The following CDH18 variants were observed in gnomAD, a reference collection of about 807,000 sequenced individuals.
CDH18 encodes the protein cadherin 18.
In CDH18, 31 loss-of-function variants were observed where a neutral mutation model predicts 67.9. The ratio of observed to expected loss-of-function variants is 0.46; its 90% CI spans 0.34 to 0.62. The LOEUF (loss-of-function observed/expected upper bound fraction) is 0.62, where lower values mean the gene tolerates loss of function less well. Among genes scored for constraint, CDH18 ranks in the 20% least tolerant of loss-of-function variants. CDH18 has a pLI of 0.01. For synonymous variants in CDH18, 362 were observed against 347.2 expected (o/e 1.04, Z -0.48); for missense variants, 890 against 975.5 (o/e 0.91, Z 1.17).
intron 2 of CDH18, among the ~76,000 whole-genome samples, chr5:20,026,547 A>G (rs1461171446): frequency 7.2e-5 from 11 of 152,156 alleles, no homozygotes; most frequent in Admixed American, 5.2e-4. Context: ...AAATGTCTTT[A>G]TTTTCTAACT....
intron 2 of CDH18, among the ~76,000 whole-genome samples, chr5:20,209,194 G>T (rs891006422): frequency 1.7e-4 from 26 of 152,050 alleles, no homozygotes; most frequent in African/African-American, 5.8e-4. Context: ...ACAGTATGTA[G>T]TTGCCATAAA....
At chr5:19,938,861 T>C (rs1333861898) in intron 2 of CDH18, among the ~76,000 whole-genome samples, 7 of 151,464 alleles carry the variant, frequency 4.6e-5, no homozygotes, top group African/African-American at 1.7e-4. Context: ...GAGCATTTCT[T>C]TGTTTAATTC....
intron 2 of CDH18, among the ~76,000 whole-genome samples, chr5:19,923,023 C>T (rs565019882): frequency 1.2e-4 from 19 of 152,066 alleles, no homozygotes; most frequent in African/African-American, 4.6e-4. Context: ...GTCTCTGTAC[C>T]ATCTATTTCT....
intron 3 of CDH18, among the ~76,000 whole-genome samples, chr5:19,774,071 G>A (rs1237536842): frequency 6.6e-6 from 1 of 152,160 alleles, no homozygotes; most frequent in Non-Finnish European, 1.5e-5. Flanking sequence ...ACTGGTCTTT[G>A]AGATTTACTC....
intron 1 of CDH18, among the ~76,000 whole-genome samples, chr5:20,258,846 G>C (rs1289654233): frequency 6.6e-6 from 1 of 152,036 alleles, no homozygotes; most frequent in Non-Finnish European, 1.5e-5. Context: ...GCTGGTATGA[G>C]TAATCAAAAA....
intron 5 of CDH18, among the ~76,000 whole-genome samples, chr5:19,666,741 T>C (rs1380008094): frequency 6.6e-6 from 1 of 152,088 alleles, no homozygotes; most frequent in East Asian, 1.9e-4. Context: ...CTAGGATATT[T>C]CAGTGTCACA....
At chr5:20,128,228 A>T (rs917075061) in intron 2 of CDH18, among the ~76,000 whole-genome samples, 2 of 151,988 alleles carry the variant, frequency 1.3e-5, no homozygotes, top group Non-Finnish European at 2.9e-5. Context: ...TCTCCTATTC[A>T]CCTCACGAAG....
chr5:20,455,907 A>G (rs1384421082), intron 1 of CDH18, among the ~76,000 whole-genome samples: 1 of 152,056 alleles, frequency 6.6e-6, no homozygotes, highest in African/African-American at 2.4e-5. Flanking sequence ...CTGTTCAGCT[A>G]TGTTATTTAC....
intron 3 of CDH18, among the ~76,000 whole-genome samples, chr5:19,800,885 G>A (rs13361313): frequency 0.035 from 5,276 of 152,208 alleles, 288 homozygotes; most frequent in African/African-American, 0.12. Context: ...TTGGGAGGCC[G>A]AGTCGGGCAG....
intron 8 of CDH18, among the ~76,000 whole-genome samples, chr5:19,553,633 C>CTTTTTT (rs1021709184): frequency 9.2e-6 from 1 of 108,774 alleles, no homozygotes; most frequent in Non-Finnish European, 1.8e-5. Flanking sequence ...TGGTCTCATA[C>CTTTTTT]TTTTTTTTTT....
chr5:20,443,207 C>CTCAAAAAAAAAAAAAAAA lies in CDH18; in HGVS notation c.-580+132254_-580+132255insTTTTTTTTTTTTTTTTGA, dbSNP rs1491460573. ...CCTGGGTGATAGAGCGAGACTCCGT[C>CTCAAAAAAAAAAAAAAAA]ACAAAAAAAAAAAAAAAAAAAAAAG... On this transcript the variant is annotated intron_variant, in intron 1 of 14. Coordinates refer to the CDH18 transcript ENST00000507958. Among the ~76,000 whole-genome samples the CTCAAAAAAAAAAAAAAAA allele has an allele frequency of 3.5e-4, 9 of 25,378 alleles. 1 individual carries two copies. Among genetic ancestry groups the CTCAAAAAAAAAAAAAAAA allele is most frequent in the African/African-American group, 1.1e-3 (8 of 6,978 alleles). The allele number at this position is 25,378 out of a possible 152,430, so 16.6% of individuals were successfully genotyped here.
At chr5:19,481,991 T>G (rs1164824115) in intron 12 of CDH18, among the ~76,000 whole-genome samples, 1 of 152,212 alleles carries the variant, frequency 6.6e-6, no homozygotes, top group Non-Finnish European at 1.5e-5. Context: ...GAGTTTATAG[T>G]TATAGAAGCT....
At chr5:20,479,160 C>G (rs528023911) in intron 1 of CDH18, among the ~76,000 whole-genome samples, 1 of 152,212 alleles carries the variant, frequency 6.6e-6, no homozygotes, top group South Asian at 2.1e-4. Flanking sequence ...TACAAGCAAA[C>G]CCAGGCCACA....
chr5:20,546,374 T>C (rs1757344656), intron 1 of CDH18, among the ~76,000 whole-genome samples: 1 of 150,940 alleles, frequency 6.6e-6, no homozygotes, highest in Non-Finnish European at 1.5e-5. Flanking sequence ...ACCAATTCTC[T>C]ATATTAGTCT....
intron 1 of CDH18, among the ~76,000 whole-genome samples, chr5:20,489,024 A>G (rs1561056822): frequency 6.6e-6 from 1 of 152,048 alleles, no homozygotes. Flanking sequence ...GTTAAGATGG[A>G]AGCAGCTTCC....
chr5:19,504,999 C>T (rs2126778449), intron 10 of CDH18, among the ~76,000 whole-genome samples: 1 of 152,150 alleles, frequency 6.6e-6, no homozygotes, highest in Admixed American at 6.6e-5. Flanking sequence ...CAAATATGAG[C>T]TTATTATACC....
chr5:20,265,788 T>C (rs888672331), intron 1 of CDH18, among the ~76,000 whole-genome samples: 11 of 152,210 alleles, frequency 7.2e-5, no homozygotes, highest in African/African-American at 2.7e-4. Context: ...ATTAATTTTA[T>C]GTGCCAACTT....
At chr5:19,650,292 C>G (rs1174714184) in intron 5 of CDH18, among the ~76,000 whole-genome samples, 1 of 71,692 alleles carries the variant, frequency 1.4e-5, no homozygotes, top group Non-Finnish European at 3.8e-5. Context: ...TTTCCTATCT[C>G]CATAAAAGAA....
chr5:20,570,787 A>G (rs1758771121), intron 1 of CDH18, among the ~76,000 whole-genome samples: 1 of 152,144 alleles, frequency 6.6e-6, no homozygotes, highest in South Asian at 2.1e-4. Context: ...TAAGCAAAGT[A>G]CAGGTGATTC....
Sources: allele counts gnomAD v4.1 joint callset (sites outside exome capture counted in the v4.1 genomes callset), GRCh38; gene constraint gnomAD v4.1.1; transcripts MANE v1.5; gene names NCBI Gene and HGNC (gene_info 2026-07-23, HGNC 2026-07-21).